SLC8A1: variants seen among roughly 807,000 people sequenced by gnomAD.
SLC8A1 encodes sodium/calcium exchanger 1.
Under a neutral mutation model 68.3 loss-of-function variants are expected in SLC8A1, and 18 were observed. That is an observed-to-expected ratio of 0.26 (90% confidence interval 0.18 to 0.39). SLC8A1 has a LOEUF of 0.39. Among genes scored for constraint, SLC8A1 ranks in the 10% least tolerant of loss-of-function variants. The probability of loss-of-function intolerance (pLI) is 1.00; values close to 1 mark genes in which losing one functional copy is unlikely to be tolerated. For synonymous variants in SLC8A1, 475 were observed against 415.5 expected (o/e 1.14, Z -1.74); for missense variants, 985 against 1,156.7 (o/e 0.85, Z 2.15).
At position 40,374,909 on chromosome 2, in the gene SLC8A1, C is replaced by T. The variant is rs12999388; in HGVS notation, c.1808+53564G>A. On this transcript the variant is annotated intron_variant, in intron 2 of 7. Transcript: ENST00000406785. ...ATTTTTAAAAGTACTCGTCAATATC[C>T]ACTAAAAAGGAGCCCCTTATATTTT... Among the ~76,000 whole-genome samples, 847 of 152,154 alleles carry T rather than the reference C, an allele frequency of 5.6e-3. 5 individuals are homozygous for T. Among genetic ancestry groups the T allele is most frequent in the Non-Finnish European group, 9.4e-3 (639 of 67,984 alleles).
intron 2 of SLC8A1, among the ~76,000 whole-genome samples, chr2:40,276,510 C>T (rs759917761): frequency 2.6e-5 from 4 of 152,068 alleles, no homozygotes; most frequent in Non-Finnish European, 5.9e-5. Flanking sequence ...AGAAAAGTGC[C>T]CAGCTTATTC....
At chr2:40,364,556 T>A (rs1675527556) in intron 2 of SLC8A1, among the ~76,000 whole-genome samples, 1 of 152,046 alleles carries the variant, frequency 6.6e-6, no homozygotes, top group Non-Finnish European at 1.5e-5. Context: ...TTTGCTCTGT[T>A]CACATGTCTT....
At position 40,280,047 on chromosome 2, in the gene SLC8A1, G is replaced by C. The variant is rs148836335; in HGVS notation, c.1809-102192C>G. ...TAAATTGCAAGCTATGGAGTACACTGAATACCATATTAAGGAGTTAGTGAA... is the reference window on the plus strand; with the variant it reads ...TAAATTGCAAGCTATGGAGTACACTCAATACCATATTAAGGAGTTAGTGAA... On this transcript the variant is annotated intron_variant, in intron 2 of 7. Coordinates refer to ENST00000406785, the Ensembl canonical transcript of SLC8A1. 6.5e-3 allele frequency among the ~76,000 whole-genome samples: 985 copies of C among 152,168 alleles called. 7 individuals carry two copies. Among genetic ancestry groups the C allele is most frequent in the African/African-American group, 0.022 (923 of 41,528 alleles).
At chr2:40,145,963 ATC>A (rs386645222) in intron 6 of SLC8A1, among the ~76,000 whole-genome samples, 4 of 87,186 alleles carry the variant, frequency 4.6e-5, no homozygotes, top group Admixed American at 2.5e-4. Flanking sequence ...ACAAGAGTTG[ATC>A]TCTCTTTTTT....
chr2:40,416,761 G>T (rs1694007789), intron 2 of SLC8A1, among the ~76,000 whole-genome samples: 1 of 152,020 alleles, frequency 6.6e-6, no homozygotes, highest in African/African-American at 2.4e-5. Context: ...GTTTCCTTCT[G>T]CATTCCATTC....
At chr2:40,360,795 T>C (rs541301847) in intron 2 of SLC8A1, among the ~76,000 whole-genome samples, 37 of 152,282 alleles carry the variant, frequency 2.4e-4, no homozygotes, top group African/African-American at 8.9e-4. Context: ...AAGATCTCTC[T>C]AGCATTAGGG....
At chr2:40,155,067 C>CT (rs2044215148) in intron 6 of SLC8A1, among the ~76,000 whole-genome samples, 1 of 152,038 alleles carries the variant, frequency 6.6e-6, no homozygotes, top group African/African-American at 2.4e-5. Context: ...CACCCTCCTC[C>CT]TTTTTTTGGT....
chr2:40,253,098 T>C (rs868116344), intron 2 of SLC8A1, among the ~76,000 whole-genome samples: 17 of 109,576 alleles, frequency 1.6e-4, no homozygotes, highest in Admixed American at 4.3e-4. Flanking sequence ...ATATAGTATA[T>C]ATACATATAT....
At chr2:40,321,140 A>G (rs941994517) in intron 2 of SLC8A1, among the ~76,000 whole-genome samples, 1 of 152,148 alleles carries the variant, frequency 6.6e-6, no homozygotes, top group Non-Finnish European at 1.5e-5. Flanking sequence ...TCTACAAATT[A>G]AAGGGGATAT....
At chr2:40,342,042 C>T (rs1189564925) in intron 2 of SLC8A1, among the ~76,000 whole-genome samples, 1 of 152,062 alleles carries the variant, frequency 6.6e-6, no homozygotes, top group Non-Finnish European at 1.5e-5. Flanking sequence ...TATTTAGTTA[C>T]TTAGAGAAGG....
intron 2 of SLC8A1, among the ~76,000 whole-genome samples, chr2:40,225,006 C>A (rs868641746): frequency 2.0e-5 from 3 of 152,130 alleles, no homozygotes; most frequent in Non-Finnish European, 4.4e-5. Context: ...GAGCTAGAAC[C>A]TGGGCCTATC....
chr2:40,326,159 T>C (rs1016729055), intron 2 of SLC8A1, among the ~76,000 whole-genome samples: 2 of 152,120 alleles, frequency 1.3e-5, no homozygotes, highest in African/African-American at 4.8e-5. Context: ...GACTCACTCA[T>C]TTGCACCAGC....
At chr2:40,282,334 G>T (rs77228852) in intron 2 of SLC8A1, among the ~76,000 whole-genome samples, 2,683 of 152,228 alleles carry the variant, frequency 0.018, 76 homozygotes, top group African/African-American at 0.061. Context: ...TAAAAAGAAT[G>T]GTTGTTACAG....
At chr2:40,184,571 G>C (rs1246990581) in intron 2 of SLC8A1, among the ~76,000 whole-genome samples, 1 of 152,150 alleles carries the variant, frequency 6.6e-6, no homozygotes, top group Non-Finnish European at 1.5e-5. Context: ...GGGAGCTCTG[G>C]CGATACGTTT....
chr2:40,258,248 G>T (rs1450396730), intron 2 of SLC8A1, among the ~76,000 whole-genome samples: 1 of 152,168 alleles, frequency 6.6e-6, no homozygotes, highest in Non-Finnish European at 1.5e-5. Context: ...TCAGCAATTT[G>T]TTCCTTCATT....
chr2:40,151,232 C>G (rs1455138564), intron 6 of SLC8A1, among the ~76,000 whole-genome samples: 1 of 151,890 alleles, frequency 6.6e-6, no homozygotes, highest in Non-Finnish European at 1.5e-5. Context: ...AAACAAATGT[C>G]TCAAACTCCT....
chr2:40,401,605 C>T (rs1688774376), intron 2 of SLC8A1, among the ~76,000 whole-genome samples: 2 of 136,334 alleles, frequency 1.5e-5, no homozygotes, highest in South Asian at 2.4e-4. Context: ...GAAAAGAAAG[C>T]TTTGTGAGTT....
chr2:40,108,933 G>GAATGTAAGGA (rs1190008974), exon 8 of SLC8A1: 1 of 152,136 alleles, frequency 6.6e-6, no homozygotes, highest in Non-Finnish European at 1.5e-5. Context: ...AGAAGGTTGG[G>GAATGTAAGGA]AATGTAAGGA....
chr2:40,471,030 G>A (rs1465370045), intron 1 of SLC8A1, among the ~76,000 whole-genome samples: 1 of 152,156 alleles, frequency 6.6e-6, no homozygotes, highest in Non-Finnish European at 1.5e-5. Context: ...AAAATGGGAA[G>A]ACTTGCTGCT....
Sources: allele counts gnomAD v4.1 joint callset (sites outside exome capture counted in the v4.1 genomes callset), GRCh38; gene constraint gnomAD v4.1.1; transcripts MANE v1.5; gene names NCBI Gene and HGNC (gene_info 2026-07-23, HGNC 2026-07-21).